Variants in RSPH9 observed in about 807,000 individuals in gnomAD.
The protein encoded by RSPH9 is radial spoke head protein 9 homolog.
Under a neutral mutation model 27.0 loss-of-function variants are expected in RSPH9, and 27 were observed. The observed-to-expected ratio is 1.00, with a 90% CI of 0.74 to 1.38. The LOEUF (loss-of-function observed/expected upper bound fraction) is 1.38, where lower values mean the gene tolerates loss of function less well. Ranked by LOEUF, RSPH9 falls within the 40% of genes most tolerant of loss-of-function variation. The pLI is 0.00. For missense variants in RSPH9, 347 were observed against 357.4 expected, an observed-to-expected ratio of 0.97 and a Z score of 0.24; for synonymous variants, 145 against 147.7, an observed-to-expected ratio of 0.98 and a Z score of 0.13.
intron 2 of RSPH9, among the ~76,000 whole-genome samples, 181 bp from the exon 3 acceptor site, chr6:43,655,377 CAAAT>C (rs1771894209): frequency 1.3e-5 from 2 of 152,178 alleles, no homozygotes; most frequent in Middle Eastern, 3.4e-3. Context: ...AATTAAAAAA[CAAAT>C]AAAAAGAAAG....
rs544410027 is a variant in RSPH9 at position 43,671,895 on chromosome 6, C to A, written c.*946C>A. On this transcript the variant is annotated 3_prime_UTR_variant, in exon 5 of 5. Coordinates refer to ENST00000372163, the MANE Select transcript of RSPH9 (RefSeq NM_152732.5). The stretch of plus-strand genomic sequence containing the variant: ...GGGCTTGACGGAGCCAGGAGCCCAG[C>A]GCGTCAGGTACCTGTGGAGGGAGAA... 343 of 1,609,174 alleles carry A rather than the reference C, an allele frequency of 2.1e-4. No homozygotes were observed. The highest frequency in any genetic ancestry group is 6.6e-4 in the Middle Eastern group (4 of 6,070).
chr6:43,668,802 T>C (rs926847766), intron 4 of RSPH9, among the ~76,000 whole-genome samples: 69 of 152,334 alleles, frequency 4.5e-4, no homozygotes, highest in Admixed American at 6.5e-4. Flanking sequence ...TGAGGCAGTC[T>C]GGTCTTAGTT....
intron 4 of RSPH9, among the ~76,000 whole-genome samples, chr6:43,657,510 T>TA (rs1257117686): frequency 6.6e-6 from 1 of 152,180 alleles, no homozygotes; most frequent in Non-Finnish European, 1.5e-5. Flanking sequence ...GTTAAAGTGT[T>TA]AGACTCCACA....
Position 43,671,651 on chromosome 6 carries a change from A to C in RSPH9, c.*702A>C. On this transcript the variant is annotated 3_prime_UTR_variant, in exon 5 of 5. Transcript: ENST00000372163. Reference sequence around the variant, plus strand: ...CCTGTCCATGCATGTTGGAGGGACCAGGCCATCGTGGTGGGGTGGGACAGG... The same window carrying C: ...CCTGTCCATGCATGTTGGAGGGACCCGGCCATCGTGGTGGGGTGGGACAGG... 7.7e-7 allele frequency: 1 copy of C among 1,301,452 alleles called. No homozygotes were observed. Among genetic ancestry groups the C allele is most frequent in the South Asian group, 1.3e-5 (1 of 79,400 alleles). The allele number at this position is 1,301,452 out of a possible 1,614,324, so 80.6% of individuals were successfully genotyped here. A position where few individuals can be genotyped will look rare whatever the true frequency, so the allele number is the denominator to read the frequency against.
In RSPH9 at chr6:43,666,297, C is replaced by T. The variant is rs999068650; in HGVS notation, c.671-4492C>T. 3.4e-4 allele frequency: 235 copies of T among 694,130 alleles called. 1 individual carries two copies. The highest frequency in any genetic ancestry group is 3.8e-4 in the Admixed American group (16 of 42,666). 43.0% of individuals were successfully genotyped at this position (694,130 alleles called of 1,614,324 possible). ...GGAGGCTCCCCTGCCAGGCAGGCAG[C>T]AGCTGGGCTGGGCTGCTAATTGGGG... is the stretch of plus-strand genomic sequence containing the variant. On this transcript the variant is annotated intron_variant, in intron 4 of 4. Coordinates refer to ENST00000372163, the MANE Select transcript of RSPH9 (RefSeq NM_152732.5).
At chr6:43,657,991 A>G (rs947668361) in intron 4 of RSPH9, among the ~76,000 whole-genome samples, 2 of 152,194 alleles carry the variant, frequency 1.3e-5, no homozygotes, top group African/African-American at 4.8e-5. Context: ...AAGGACTCAA[A>G]TGAAAATGAA....
At chr6:43,666,556 A>C (rs757710421) in intron 4 of RSPH9, 1 of 1,365,128 alleles carries the variant, frequency 7.3e-7, no homozygotes, top group Non-Finnish European at 1.0e-6. Context: ...CCCTTGGCCA[A>C]AGTGACAAGA....
At chr6:43,651,195 A>G (rs1436739112) in intron 2 of RSPH9, among the ~76,000 whole-genome samples, 4 of 151,876 alleles carry the variant, frequency 2.6e-5, no homozygotes, top group Non-Finnish European at 5.9e-5. Context: ...CATCCTTAAA[A>G]CCCTATGGAG....
chr6:43,664,912 CCT>C (rs1554148978), intron 4 of RSPH9, among the ~76,000 whole-genome samples: 3 of 152,192 alleles, frequency 2.0e-5, no homozygotes, highest in Non-Finnish European at 4.4e-5. Context: ...GGTGATGGAA[CCT>C]CAGAGCCAGG....
intron 4 of RSPH9, among the ~76,000 whole-genome samples, chr6:43,658,691 G>A (rs1433086449): frequency 2.0e-5 from 3 of 151,928 alleles, no homozygotes; most frequent in Non-Finnish European, 2.9e-5. Flanking sequence ...ACAGGCGCCC[G>A]CCACCATGCC....
chr6:43,672,120 G>C lies in RSPH9; in HGVS notation c.*1171G>C. 1.6e-6 allele frequency: 1 copy of C among 617,662 alleles called. No homozygotes were observed. The highest frequency in any genetic ancestry group is 2.0e-5 in the South Asian group (1 of 49,354). 38.3% of individuals were successfully genotyped at this position (617,662 alleles called of 1,614,324 possible). ...GCTCTTGCTGCCGCAAGCCTGTGTG[G>C]CCAGGTTCAGGCAGCCCAGGGCCAC... is the stretch of plus-strand genomic sequence containing the variant. On this transcript the variant is annotated 3_prime_UTR_variant, in exon 5 of 5. Transcript: ENST00000372163.
At chr6:43,662,892 G>C (rs559748813) in intron 4 of RSPH9, among the ~76,000 whole-genome samples, 1 of 152,216 alleles carries the variant, frequency 6.6e-6, no homozygotes, top group East Asian at 1.9e-4. Flanking sequence ...GAACTCCTGG[G>C]CTCAAGCAAT....
intron 2 of RSPH9, among the ~76,000 whole-genome samples, chr6:43,654,617 G>C (rs1466182765): frequency 3.3e-5 from 5 of 152,180 alleles, no homozygotes; most frequent in Non-Finnish European, 7.3e-5. Context: ...GAGGTCAGGA[G>C]TTCAAGACCA....
At chr6:43,656,925 A>T (rs1021551093) in intron 4 of RSPH9, among the ~76,000 whole-genome samples, 2 of 152,160 alleles carry the variant, frequency 1.3e-5, no homozygotes, top group African/African-American at 2.4e-5. Flanking sequence ...AAAAGGTAGG[A>T]TTGTTTTCCA....
chr6:43,655,777 G>T, intron 3 of RSPH9, 86 bp downstream of exon 3: 1 of 1,480,024 alleles, frequency 6.8e-7, no homozygotes, highest in Non-Finnish European at 9.4e-7. Flanking sequence ...CAGCAGGGGG[G>T]CTTACACACT....
chr6:43,655,199 A>G (rs1200348133), intron 2 of RSPH9, among the ~76,000 whole-genome samples: 1 of 152,196 alleles, frequency 6.6e-6, no homozygotes, highest in Non-Finnish European at 1.5e-5. Flanking sequence ...AAGGCAAAAT[A>G]AGCAACAGTT....
At chr6:43,666,526 C>T in intron 4 of RSPH9, 1 of 1,529,850 alleles carries the variant, frequency 6.5e-7, no homozygotes, top group Non-Finnish European at 8.9e-7. Flanking sequence ...ATGAGGTAGG[C>T]CAACGACTCC....
Position 43,645,152 on chromosome 6 carries a change from G to A in RSPH9, c.54G>A (p.Gln18=). ...TGGAGCTGGCGTCCGGCAGTGGGCA[G>A]GGCCTCAGCCCGGACCGTCGGGCCT... ...LSLELASGSG[Q]GLSPDRRASL... The change falls in exon 1 of 5, where the codon CAG becomes CAA. Residue 18 remains glutamine, a synonymous_variant. Transcript: ENST00000372163. 1 of 1,613,506 alleles carries A rather than the reference G, an allele frequency of 6.2e-7. No individual in the cohort carries two copies. The highest frequency in any genetic ancestry group is 1.1e-5 in the South Asian group (1 of 91,088).
At position 43,650,536 on chromosome 6, in the gene RSPH9, T is replaced by TGAGTTGG. The variant is rs2127891783; in HGVS notation, c.389_390insGAGTTGG (p.Ile130MetfsTer18). 6.2e-7 allele frequency: 1 copy of TGAGTTGG among 1,613,800 alleles called. No individual in the cohort carries two copies. Among genetic ancestry groups the TGAGTTGG allele is most frequent in the African/African-American group, 1.3e-5 (1 of 74,938 alleles). On this transcript the variant is annotated frameshift_variant, in exon 2 of 5. Transcript: ENST00000372163. LOFTEE classifies it high-confidence loss of function. Reference sequence around the variant, plus strand: ...GGTGAAAAAGTCTTTGAAGAAGAAATAGTGGTGAGTGAAGAGGAGAGCAGG... The same window carrying TGAGTTGG: ...GGTGAAAAAGTCTTTGAAGAAGAAATGAGTTGGAGTGGTGAGTGAAGAGGAGAGCAGG...
Sources: allele counts gnomAD v4.1 joint callset (sites outside exome capture counted in the v4.1 genomes callset), GRCh38; gene constraint gnomAD v4.1.1; transcripts MANE v1.5; gene names NCBI Gene and HGNC (gene_info 2026-07-23, HGNC 2026-07-21).